Variants in ARL15 observed in about 807,000 individuals in gnomAD.
ARL15 encodes the protein ARF like GTPase 15.
In ARL15, 19 loss-of-function variants were observed where a neutral mutation model predicts 25.2. The ratio of observed to expected loss-of-function variants is 0.75; its 90% CI spans 0.53 to 1.10. ARL15 has a LOEUF of 1.10. Among genes scored for constraint, ARL15 ranks in the 50% least tolerant of loss-of-function variants. The pLI is 0.00. For synonymous variants in ARL15, 94 were observed against 86.8 expected, an observed-to-expected ratio of 1.08 and a Z score of -0.46; for missense variants, 220 against 246.0, an observed-to-expected ratio of 0.89 and a Z score of 0.71.
intron 1 of ARL15, among the ~76,000 whole-genome samples, chr5:54,218,343 G>A (rs555922912): frequency 9.2e-5 from 14 of 152,038 alleles, no homozygotes; most frequent in Non-Finnish European, 1.9e-4. Flanking sequence ...CCGAGAAGAC[G>A]GCTATGCCTA....
intron 4 of ARL15, among the ~76,000 whole-genome samples, chr5:53,951,041 T>C (rs1285408712): frequency 6.6e-6 from 1 of 152,182 alleles, no homozygotes; most frequent in Non-Finnish European, 1.5e-5. Flanking sequence ...CAGTTTTAAA[T>C]GGTTGGGGGA....
At chr5:54,039,153 C>A (rs1240194888) in intron 4 of ARL15, among the ~76,000 whole-genome samples, 1 of 152,154 alleles carries the variant, frequency 6.6e-6, no homozygotes, top group Non-Finnish European at 1.5e-5. Context: ...CTCATCCATG[C>A]ATGTACGTAG....
chr5:53,979,721 G>T (rs940491084), intron 4 of ARL15, among the ~76,000 whole-genome samples: 1 of 152,126 alleles, frequency 6.6e-6, no homozygotes, highest in South Asian at 2.1e-4. Context: ...TTAAGTGACT[G>T]ACACATAAAA....
chr5:53,939,145 G>C (rs1746446952), intron 4 of ARL15, among the ~76,000 whole-genome samples: 1 of 152,158 alleles, frequency 6.6e-6, no homozygotes, highest in South Asian at 2.1e-4. Context: ...GATTTACAAA[G>C]AGCTCTGAAT....
Position 53,886,405 on chromosome 5 carries a change from C to T in ARL15, c.*156G>A. On this transcript the variant is annotated 3_prime_UTR_variant, in exon 5 of 5. Coordinates refer to ENST00000504924, the MANE Select transcript of ARL15 (RefSeq NM_019087.3). ...TGCCGATGATAATTCATCTGATCTACAGAATATTCACTTTAATAGAGAGAT... is the reference window on the plus strand; with the variant it reads ...TGCCGATGATAATTCATCTGATCTATAGAATATTCACTTTAATAGAGAGAT... 1.3e-6 allele frequency: 1 copy of T among 752,336 alleles called. No homozygotes were observed. Among genetic ancestry groups the T allele is most frequent in the South Asian group, 2.1e-5 (1 of 48,144 alleles). The allele number at this position is 752,336 out of a possible 1,614,324, so 46.6% of individuals were successfully genotyped here.
intron 4 of ARL15, among the ~76,000 whole-genome samples, chr5:53,889,890 G>A (rs923188198): frequency 6.7e-6 from 1 of 148,262 alleles, no homozygotes; most frequent in African/African-American, 2.5e-5. Flanking sequence ...TCGGCTCACT[G>A]CAACCTCTGC....
intron 4 of ARL15, among the ~76,000 whole-genome samples, chr5:54,100,014 C>T (rs1379239586): frequency 6.6e-6 from 1 of 152,010 alleles, no homozygotes; most frequent in Non-Finnish European, 1.5e-5. Context: ...CCCGTAACTG[C>T]AATTTTACAT....
rs144454597 is a variant in ARL15, at chr5:53,956,004, G to A, written c.463-69291C>T. On this transcript the variant is annotated intron_variant, in intron 4 of 4. Transcript: ENST00000504924. ...GGAGAGAGTTGTTGTTGTTGTTGTC[G>A]TTGTTTTGAGAAAACAGGGCATTCA... 9.4e-4 allele frequency among the ~76,000 whole-genome samples: 143 copies of A among 152,094 alleles called. 2 individuals carry two copies. The East Asian group carries it at 0.021, about 23-fold the overall frequency.
chr5:54,293,450 G>GA (rs1257061763), intron 1 of ARL15, among the ~76,000 whole-genome samples: 15 of 152,176 alleles, frequency 9.9e-5, no homozygotes, highest in Admixed American at 7.2e-4. Flanking sequence ...AAATTAGTTG[G>GA]AAAAAACTCC....
intron 4 of ARL15, among the ~76,000 whole-genome samples, chr5:54,011,114 C>G (rs1365515498): frequency 6.6e-6 from 1 of 152,030 alleles, no homozygotes; most frequent in Admixed American, 6.6e-5. Context: ...GTGGAAAAAG[C>G]CCTCCGTGAG....
intron 4 of ARL15, among the ~76,000 whole-genome samples, chr5:54,070,746 G>A (rs1170915812): frequency 1.3e-5 from 2 of 152,086 alleles, no homozygotes; most frequent in African/African-American, 4.8e-5. Flanking sequence ...TTGGGAGGCT[G>A]AGGTACGAGA....
intron 4 of ARL15, among the ~76,000 whole-genome samples, chr5:54,065,394 A>G (rs1751193637): frequency 1.3e-5 from 2 of 152,158 alleles, no homozygotes; most frequent in Admixed American, 6.5e-5. Flanking sequence ...GGCTGGGCGC[A>G]GTGGCTAATG....
chr5:54,151,188 A>C (rs12109381), intron 3 of ARL15, among the ~76,000 whole-genome samples: 4,409 of 152,266 alleles, frequency 0.029, 211 homozygotes, highest in African/African-American at 0.1. Context: ...TTAGAGCTCC[A>C]ATTTCACAAA....
At chr5:54,225,748 G>A (rs1485311604) in intron 1 of ARL15, among the ~76,000 whole-genome samples, 1 of 152,146 alleles carries the variant, frequency 6.6e-6, no homozygotes, top group East Asian at 1.9e-4. Context: ...CTGACCTTGG[G>A]AAGGAGTAAG....
intron 4 of ARL15, among the ~76,000 whole-genome samples, chr5:54,087,584 C>G (rs1445343284): frequency 6.6e-6 from 1 of 152,168 alleles, no homozygotes; most frequent in South Asian, 2.1e-4. Flanking sequence ...ACTGCACTTA[C>G]CACAAATATT....
intron 1 of ARL15, among the ~76,000 whole-genome samples, chr5:54,302,313 A>G (rs373882435): frequency 2.0e-5 from 3 of 152,218 alleles, no homozygotes; most frequent in African/African-American, 7.2e-5. Context: ...AGACAAGCTC[A>G]TACACTGATC....
At chr5:54,141,483 ATAAT>A (rs1334222449) in intron 3 of ARL15, among the ~76,000 whole-genome samples, 1 of 152,184 alleles carries the variant, frequency 6.6e-6, no homozygotes, top group East Asian at 1.9e-4. Context: ...TTAACTGGAG[ATAAT>A]TAAGAGTATC....
At chr5:54,263,990 A>G (rs1361578066) in intron 1 of ARL15, among the ~76,000 whole-genome samples, 1 of 151,636 alleles carries the variant, frequency 6.6e-6, no homozygotes, top group Non-Finnish European at 1.5e-5. Flanking sequence ...ACCTCTACCA[A>G]CTCCTTCAGT....
intron 3 of ARL15, 179 bp downstream of exon 3, chr5:54,154,401 T>C: frequency 1.9e-6 from 1 of 519,216 alleles, no homozygotes; most frequent in Non-Finnish European, 3.3e-6. Context: ...TACTTAGAAC[T>C]CTTCAACAAT....
Sources: gnomAD v4.1 joint callset for allele counts (sites outside exome capture counted in the v4.1 genomes callset) on GRCh38, gnomAD v4.1.1 for gene constraint, MANE v1.5 for transcripts, NCBI Gene and HGNC (gene_info 2026-07-23, HGNC 2026-07-21) for gene names.